The following LDLRAD4 variants were observed in gnomAD, a reference collection of about 807,000 sequenced individuals.
LDLRAD4 encodes low-density lipoprotein receptor class A domain-containing protein 4.
LDLRAD4 carries 5 observed loss-of-function variants against 17.0 expected under a neutral mutation model. The observed-to-expected ratio is 0.29, with a 90% CI of 0.15 to 0.62. The LOEUF is 0.62. Ranked by LOEUF, LDLRAD4 falls within the 20% of genes least tolerant of loss-of-function variation. The pLI, the probability that LDLRAD4 is intolerant of heterozygous loss-of-function variation, is 0.84. For missense variants in LDLRAD4, 340 were observed against 424.7 expected (o/e 0.80, Z 1.75); for synonymous variants, 168 against 171.8 (o/e 0.98, Z 0.17).
chr18:13,419,662 G>A (rs1206917817), intron 2 of LDLRAD4: 1 of 152,192 alleles, frequency 6.6e-6, no homozygotes, highest in East Asian at 1.9e-4. Flanking sequence ...GTTGCACCAG[G>A]ATTCAAACCC....
chr18:13,633,919 C>T (rs2041882475), intron 4 of LDLRAD4, among the ~76,000 whole-genome samples: 1 of 152,236 alleles, frequency 6.6e-6, no homozygotes, highest in African/African-American at 2.4e-5. Flanking sequence ...GCACACAGCC[C>T]TGGCCATGCC....
At chr18:13,317,280 T>C (rs2080984787) in intron 1 of LDLRAD4, among the ~76,000 whole-genome samples, 1 of 152,204 alleles carries the variant, frequency 6.6e-6, no homozygotes, top group Non-Finnish European at 1.5e-5. Flanking sequence ...TATCCTAAGC[T>C]CTCAGGGATA....
At chr18:13,642,597 G>A in intron 4 of LDLRAD4, 3 of 1,229,542 alleles carry the variant, frequency 2.4e-6, no homozygotes, top group African/African-American at 1.6e-5. Context: ...GGAAAGGGCC[G>A]TCCACCTGCG....
intron 3 of LDLRAD4, among the ~76,000 whole-genome samples, chr18:13,476,196 C>G (rs960399110): frequency 6.6e-6 from 1 of 152,198 alleles, no homozygotes; most frequent in African/African-American, 2.4e-5. Context: ...GTGGCAAAGT[C>G]ACGTTCAGGG....
intron 1 of LDLRAD4, among the ~76,000 whole-genome samples, chr18:13,331,315 G>A (rs147392742): frequency 6.6e-6 from 1 of 152,314 alleles, no homozygotes; most frequent in Admixed American, 6.5e-5. Flanking sequence ...TTGCTTGGTT[G>A]GTGTGTGGGG....
chr18:13,286,210 T>C (rs975124170), intron 1 of LDLRAD4, among the ~76,000 whole-genome samples: 1 of 152,224 alleles, frequency 6.6e-6, no homozygotes, highest in African/African-American at 2.4e-5. Flanking sequence ...GTGTCTAGTG[T>C]ATTTCACTTA....
At chr18:13,592,078 T>C (rs577165405) in intron 3 of LDLRAD4, among the ~76,000 whole-genome samples, 2 of 152,246 alleles carry the variant, frequency 1.3e-5, no homozygotes, top group African/African-American at 4.8e-5. Flanking sequence ...ACCTTCGACC[T>C]TGAAAGATCT....
At chr18:13,316,174 C>A (rs2080924741) in intron 1 of LDLRAD4, among the ~76,000 whole-genome samples, 1 of 152,074 alleles carries the variant, frequency 6.6e-6, no homozygotes, top group Non-Finnish European at 1.5e-5. Context: ...ACACAGAGAA[C>A]CACACCTGAC....
At chr18:13,575,310 G>C (rs2094753183) in intron 3 of LDLRAD4, among the ~76,000 whole-genome samples, 1 of 152,210 alleles carries the variant, frequency 6.6e-6, no homozygotes, top group Non-Finnish European at 1.5e-5. Flanking sequence ...CCACTTGTGA[G>C]TGAGAACATA....
chr18:13,524,229 T>C (rs1233966741), intron 3 of LDLRAD4, among the ~76,000 whole-genome samples: 1 of 152,200 alleles, frequency 6.6e-6, no homozygotes, highest in Non-Finnish European at 1.5e-5. Context: ...GGGTCTTGGG[T>C]TGGTTTTTAT....
intron 1 of LDLRAD4, among the ~76,000 whole-genome samples, chr18:13,280,441 A>C (rs1020223909): frequency 3.9e-5 from 6 of 152,172 alleles, no homozygotes; most frequent in African/African-American, 1.4e-4. Flanking sequence ...TTTCCACCCT[A>C]ATGCTGGCTT....
At chr18:13,528,870 A>C (rs2094079989) in intron 3 of LDLRAD4, among the ~76,000 whole-genome samples, 1 of 152,134 alleles carries the variant, frequency 6.6e-6, no homozygotes, top group Non-Finnish European at 1.5e-5. Flanking sequence ...TCTGATTCTG[A>C]TGTTGGGAGT....
upstream of LDLRAD4, among the ~76,000 whole-genome samples, chr18:13,277,900 C>T (rs1173783008): frequency 6.6e-6 from 1 of 152,168 alleles, no homozygotes. Flanking sequence ...GGGATTTTGT[C>T]CCAGTTTGGT....
intron 3 of LDLRAD4, among the ~76,000 whole-genome samples, chr18:13,485,132 G>T (rs991643622): frequency 7.9e-5 from 12 of 152,376 alleles, no homozygotes; most frequent in African/African-American, 2.9e-4. Flanking sequence ...TGAGTGGAGA[G>T]TGTCGGAGCT....
At chr18:13,424,573 A>G (rs1176371148) in intron 2 of LDLRAD4, among the ~76,000 whole-genome samples, 1 of 152,120 alleles carries the variant, frequency 6.6e-6, no homozygotes, top group Admixed American at 6.5e-5. Flanking sequence ...GGTGATTAGC[A>G]CTGTGTTGGG....
At chr18:13,420,628 G>T (rs1026568586) in intron 2 of LDLRAD4, 3 of 152,242 alleles carry the variant, frequency 2.0e-5, no homozygotes, top group African/African-American at 7.2e-5. Flanking sequence ...TTAAACTGGA[G>T]ACCCTCAGTA....
At chr18:13,493,924 G>A (rs1371633822) in intron 3 of LDLRAD4, among the ~76,000 whole-genome samples, 1 of 152,208 alleles carries the variant, frequency 6.6e-6, no homozygotes, top group African/African-American at 2.4e-5. Context: ...GGGGGTCCCC[G>A]CTTCTGAGAA....
Position 13,226,180 on chromosome 18 carries a change from C to CTTTTT in LDLRAD4, c.-467+7209_-467+7213dup, listed in dbSNP as rs71174166. On this transcript the variant is annotated intron_variant, in intron 1 of 5. Coordinates refer to the LDLRAD4 transcript ENST00000399848. ...GGACTACAGATGCTGCCATGCCTTG[C>CTTTTT]TTTTTTTTTTTTTTTTTTTTTGTAG... Among the ~76,000 whole-genome samples, 32 of 52,204 alleles carry CTTTTT rather than the reference C, an allele frequency of 6.1e-4. 5 individuals carry two copies. The highest frequency in any genetic ancestry group is 2.4e-3 in the South Asian group (2 of 842). 34.2% of individuals were successfully genotyped at this position (52,204 alleles called of 152,430 possible).
At chr18:13,508,026 C>T (rs1016608757) in intron 3 of LDLRAD4, among the ~76,000 whole-genome samples, 10 of 149,360 alleles carry the variant, frequency 6.7e-5, no homozygotes, top group Non-Finnish European at 1.3e-4. Context: ...AAAAGTGCTA[C>T]TCCAGTGAAC....
Sources: gnomAD v4.1 joint callset for allele counts (sites outside exome capture counted in the v4.1 genomes callset) on GRCh38, gnomAD v4.1.1 for gene constraint, MANE v1.5 for transcripts, NCBI Gene and HGNC (gene_info 2026-07-23, HGNC 2026-07-21) for gene names.